The following NFKB1 variants were observed in gnomAD, a reference collection of about 807,000 sequenced individuals.
The protein encoded by NFKB1 is nuclear factor kappa B subunit 1.
In NFKB1, 9 loss-of-function variants were observed where a neutral mutation model predicts 105.1. That is an observed-to-expected ratio of 0.09 (90% CI 0.05 to 0.15). The LOEUF is 0.15. NFKB1 is among the 10% of genes least tolerant of loss of function. NFKB1 has a pLI of 1.00. For synonymous variants in NFKB1, 440 were observed against 442.2 expected (o/e 1.00, Z 0.06); for missense variants, 830 against 1,203.7 (o/e 0.69, Z 4.59).
chr4:102,525,377 T>C (rs574325388), intron 1 of NFKB1, 135 bp from the exon 2 acceptor site: 1 of 719,710 alleles, frequency 1.4e-6, no homozygotes, highest in African/African-American at 1.8e-5. Flanking sequence ...GTCCTCCTCC[T>C]ATGGTCTTCA....
rs1725429030 is a variant in NFKB1 at position 102,582,958 on chromosome 4, G to T, written c.927+1G>T. ...TTCCCCCACAGATGTTCATAGACAA[G>T]TAAGTGATTTATTATTATTATTAAT... On this transcript the variant is annotated splice_donor_variant, in intron 10 of 23. Transcript: ENST00000226574. LOFTEE classifies it high-confidence loss of function. The T allele has an allele frequency of 6.3e-7, 1 of 1,588,482 alleles. No individual in the cohort carries two copies. The highest frequency in any genetic ancestry group is 1.7e-5 in the Admixed American group (1 of 59,760).
At chr4:102,572,749 G>A (rs888779909) in intron 6 of NFKB1, among the ~76,000 whole-genome samples, 2 of 152,132 alleles carry the variant, frequency 1.3e-5, no homozygotes, top group Non-Finnish European at 2.9e-5. Flanking sequence ...CTCTTGAAAA[G>A]TATCTAAAAC....
chr4:102,583,451 C>G (rs112201086), intron 10 of NFKB1, among the ~76,000 whole-genome samples: 1 of 152,138 alleles, frequency 6.6e-6, no homozygotes. Flanking sequence ...TCTGTTAGAT[C>G]GTTTGCTCTG....
intron 1 of NFKB1, among the ~76,000 whole-genome samples, chr4:102,507,595 C>T (rs1416423421): frequency 6.6e-6 from 1 of 152,168 alleles, no homozygotes; most frequent in Non-Finnish European, 1.5e-5. Flanking sequence ...AGCCACCTAG[C>T]TTGGCCAAGG....
At chr4:102,544,526 A>T (rs1721977426) in intron 5 of NFKB1, among the ~76,000 whole-genome samples, 1 of 152,206 alleles carries the variant, frequency 6.6e-6, no homozygotes, top group South Asian at 2.1e-4. Context: ...TTCATTGAAC[A>T]AATATTGATT....
intron 6 of NFKB1, among the ~76,000 whole-genome samples, chr4:102,572,865 A>G (rs1454905974): frequency 6.6e-6 from 1 of 152,108 alleles, no homozygotes; most frequent in East Asian, 1.9e-4. Flanking sequence ...TTAGGTCAAA[A>G]TTTCTATCTG....
intron 5 of NFKB1, among the ~76,000 whole-genome samples, chr4:102,539,875 TG>T (rs1242048756): frequency 6.6e-6 from 1 of 152,080 alleles, no homozygotes; most frequent in African/African-American, 2.4e-5. Flanking sequence ...GGACAAATTA[TG>T]GGCAGACAAT....
At chr4:102,530,003 G>T in intron 3 of NFKB1, 89 bp downstream of exon 3, 1 of 854,800 alleles carries the variant, frequency 1.2e-6, no homozygotes, top group East Asian at 2.7e-5. Context: ...TAGAAACTCA[G>T]TTGTGTACCT....
rs770871519 is a variant in NFKB1 at position 102,607,147 on chromosome 4, T to C, written c.1955-3T>C. 6.2e-7 allele frequency: 1 copy of C among 1,614,168 alleles called. No homozygotes were observed. The highest frequency in any genetic ancestry group is 1.3e-5 in the African/African-American group (1 of 75,032). ...TGTGACTGTCCCTTTGCTTGGACTC[T>C]AGGTCTGAATGCCATTCATCTAGCC... On this transcript the variant is annotated splice_polypyrimidine_tract_variant and splice_region_variant and intron_variant, in intron 17 of 23. Transcript: ENST00000226574.
At chr4:102,545,963 T>C (rs904707242) in intron 5 of NFKB1, among the ~76,000 whole-genome samples, 1 of 152,112 alleles carries the variant, frequency 6.6e-6, no homozygotes, top group Non-Finnish European at 1.5e-5. Flanking sequence ...ATATTAAGGA[T>C]AAACCTCAGC....
At position 102,576,901 on chromosome 4, in the gene NFKB1, G is replaced by A; in HGVS notation, c.433G>A (p.Val145Met). 6.2e-7 allele frequency: 1 copy of A among 1,612,830 alleles called. No homozygotes were observed. Among genetic ancestry groups the A allele is most frequent in the Non-Finnish European group, 8.5e-7 (1 of 1,179,558 alleles). ...CTTCGCAAACCTGGGTATACTTCAT[G>A]TGACAAAGAAAAAAGTATTTGAAAC... ...VGFANLGILH[V>M]TKKKVFETLE... Residue 145 changes from valine to methionine, a missense_variant, in exon 7 of 24, where the codon GTG (valine) becomes ATG (methionine). Physicochemically the swap from Val to Met is conservative, Grantham distance 21. This residue lies in a region of NFKB1 where 2 missense variants were observed against 21.8 expected (regional missense o/e 0.09). Transcript: ENST00000226574.
At chr4:102,532,243 A>T (rs1264571575) in intron 3 of NFKB1, among the ~76,000 whole-genome samples, 1 of 151,952 alleles carries the variant, frequency 6.6e-6, no homozygotes, top group Non-Finnish European at 1.5e-5. Flanking sequence ...CTTCCTTGTA[A>T]ATTTCTTGAA....
intron 5 of NFKB1, among the ~76,000 whole-genome samples, chr4:102,564,338 G>A (rs1267555469): frequency 2.0e-5 from 3 of 152,184 alleles, no homozygotes; most frequent in African/African-American, 7.2e-5. Context: ...ATGAAGTATG[G>A]TCTCCCCCAT....
At chr4:102,527,465 A>G (rs372025946) in intron 2 of NFKB1, among the ~76,000 whole-genome samples, 1 of 152,226 alleles carries the variant, frequency 6.6e-6, no homozygotes, top group East Asian at 1.9e-4. Flanking sequence ...TACACGTGCA[A>G]AGAATCAGCC....
intron 15 of NFKB1, 134 bp from the exon 16 acceptor site, chr4:102,600,761 G>C: frequency 3.0e-6 from 2 of 663,038 alleles, no homozygotes; most frequent in South Asian, 3.5e-5. Flanking sequence ...GCATTTTATA[G>C]ATTCAAAACA....
intron 22 of NFKB1, 30 bp from the exon 23 acceptor site, chr4:102,613,395 A>T (rs1205858895): frequency 1.2e-6 from 2 of 1,609,172 alleles, no homozygotes; most frequent in Admixed American, 3.3e-5. Flanking sequence ...GAACACAAGA[A>T]CATGCTCCTC....
At chr4:102,551,378 A>G (rs868031613) in intron 5 of NFKB1, among the ~76,000 whole-genome samples, 130 of 94,598 alleles carry the variant, frequency 1.4e-3, no homozygotes, top group Non-Finnish European at 2.2e-3. Context: ...GCGCGCGCGC[A>G]TGTGTGTGTG....
chr4:102,517,208 G>A (rs1026771895), intron 1 of NFKB1, among the ~76,000 whole-genome samples: 1 of 152,146 alleles, frequency 6.6e-6, no homozygotes, highest in Non-Finnish European at 1.5e-5. Context: ...GGCTCTCCCT[G>A]TGTCATGATT....
chr4:102,522,329 T>C (rs944689061), intron 1 of NFKB1, among the ~76,000 whole-genome samples: 1 of 152,240 alleles, frequency 6.6e-6, no homozygotes, highest in African/African-American at 2.4e-5. Flanking sequence ...CTCAGCTCTT[T>C]ACAGTGAACT....
Sources: gnomAD v4.1 joint callset for allele counts (sites outside exome capture counted in the v4.1 genomes callset) on GRCh38, gnomAD v4.1.1 for gene constraint, gnomAD v4.1.1 regional missense constraint, MANE v1.5 for transcripts, NCBI Gene and HGNC (gene_info 2026-07-23, HGNC 2026-07-21) for gene names.